Variants in WWOX observed in about 807,000 individuals in gnomAD.
WWOX encodes the protein WW domain-containing oxidoreductase.
Under a neutral mutation model 46.2 loss-of-function variants are expected in WWOX, and 69 were observed. That is an observed-to-expected ratio of 1.49 (90% CI 1.23 to 1.82). The LOEUF is 1.82. Ranked by LOEUF, WWOX falls within the 40% of genes most tolerant of loss-of-function variation. The probability of loss-of-function intolerance (pLI) is 0.00; values close to 1 mark genes in which losing one functional copy is unlikely to be tolerated. For synonymous variants in WWOX, 359 were observed against 202.6 expected, an observed-to-expected ratio of 1.77 and a Z score of -6.56; for missense variants, 919 against 542.6, an observed-to-expected ratio of 1.69 and a Z score of -6.89.
At chr16:79,188,352 A>G (rs2051061124) in intron 8 of WWOX, among the ~76,000 whole-genome samples, 1 of 151,520 alleles carries the variant, frequency 6.6e-6, no homozygotes. Flanking sequence ...GGTGTGGCCA[A>G]GACCTATTTC....
intron 8 of WWOX, among the ~76,000 whole-genome samples, chr16:78,910,576 A>G (rs183087842): frequency 2.0e-5 from 3 of 151,952 alleles, no homozygotes; most frequent in Admixed American, 1.3e-4. Flanking sequence ...GACATACCCA[A>G]GACTGAGTAA....
At chr16:78,631,172 C>T (rs1007571593) in intron 8 of WWOX, among the ~76,000 whole-genome samples, 1 of 152,100 alleles carries the variant, frequency 6.6e-6, no homozygotes, top group Non-Finnish European at 1.5e-5. Flanking sequence ...TGGGGGGGTT[C>T]CTTGAACCAG....
At chr16:78,799,952 C>G (rs906462061) in intron 8 of WWOX, among the ~76,000 whole-genome samples, 2 of 152,146 alleles carry the variant, frequency 1.3e-5, no homozygotes, top group Non-Finnish European at 2.9e-5. Flanking sequence ...TAGTTAGGAA[C>G]TTCCCCCGCG....
At chr16:78,117,409 G>A (rs905426952) in intron 4 of WWOX, among the ~76,000 whole-genome samples, 2 of 152,044 alleles carry the variant, frequency 1.3e-5, no homozygotes, top group African/African-American at 2.4e-5. Context: ...GGAAGCATAC[G>A]TCTAGGTGAG....
intron 8 of WWOX, among the ~76,000 whole-genome samples, chr16:78,737,671 G>A (rs893396895): frequency 1.3e-5 from 2 of 152,054 alleles, no homozygotes; most frequent in South Asian, 4.2e-4. Context: ...CAGTCTACAG[G>A]GTTATATTAA....
chr16:78,834,921 T>A (rs1454163660), intron 8 of WWOX, among the ~76,000 whole-genome samples: 2 of 152,188 alleles, frequency 1.3e-5, no homozygotes, highest in Non-Finnish European at 2.9e-5. Context: ...GTCTGAGCAA[T>A]CATATTAGCA....
At position 78,356,135 on chromosome 16, in the gene WWOX, C is replaced by T. The variant is rs567069372; in HGVS notation, c.517-30725C>T. 7.8e-3 allele frequency among the ~76,000 whole-genome samples: 1,059 copies of T among 135,126 alleles called. 13 individuals carry two copies. Among genetic ancestry groups the T allele is most frequent in the African/African-American group, 0.028 (1,031 of 36,434 alleles). 88.6% of individuals were successfully genotyped at this position (135,126 alleles called of 152,430 possible). A position where few individuals can be genotyped will look rare whatever the true frequency, so the allele number is the denominator to read the frequency against. On this transcript the variant is annotated intron_variant, in intron 5 of 8. Transcript: ENST00000566780. ...CCGGGAGGTGGAGGTTGCAGTGAGC[C>T]AAGGTCATGCCACTGCACTCCAGCT...
chr16:78,341,869 C>T lies in WWOX; in HGVS notation c.517-44991C>T, dbSNP rs1015252761. ...GTGGTGCACACCTGTAATTCTAGCA[C>T]ATTGGGAGGCTGAGGTGAGAGGATT... On this transcript the variant is annotated intron_variant, in intron 5 of 8. Coordinates refer to ENST00000566780, the MANE Select transcript of WWOX (RefSeq NM_016373.4). Among the ~76,000 whole-genome samples, 17 of 119,800 alleles carry T rather than the reference C, an allele frequency of 1.4e-4. 4 individuals carry two copies. The highest frequency in any genetic ancestry group is 1.3e-3 in the Admixed American group (16 of 12,302). 78.6% of individuals were successfully genotyped at this position (119,800 alleles called of 152,430 possible).
intron 8 of WWOX, among the ~76,000 whole-genome samples, chr16:79,013,965 C>T (rs894179684): frequency 4.6e-5 from 7 of 152,140 alleles, no homozygotes; most frequent in East Asian, 1.9e-4. Context: ...GATGCTCCGC[C>T]GCCTGTAAGG....
At chr16:78,631,465 T>G (rs1187278469) in intron 8 of WWOX, among the ~76,000 whole-genome samples, 2 of 152,220 alleles carry the variant, frequency 1.3e-5, no homozygotes, top group South Asian at 4.2e-4. Context: ...CATATAAAGC[T>G]AAATCAGTTT....
intron 5 of WWOX, chr16:78,269,020 T>G (rs2079423200): frequency 6.6e-6 from 1 of 152,194 alleles, no homozygotes; most frequent in African/African-American, 2.4e-5. Flanking sequence ...TTTTCTGAAA[T>G]AAGTGGACAC....
intron 7 of WWOX, among the ~76,000 whole-genome samples, chr16:78,428,612 A>G (rs973921067): frequency 6.6e-6 from 1 of 152,224 alleles, no homozygotes; most frequent in Non-Finnish European, 1.5e-5. Flanking sequence ...TCAAGAAGAA[A>G]TGACTTTCTC....
intron 5 of WWOX, among the ~76,000 whole-genome samples, chr16:78,235,287 T>C (rs993990966): frequency 6.6e-6 from 1 of 152,174 alleles, no homozygotes; most frequent in Non-Finnish European, 1.5e-5. Flanking sequence ...TTGTTCTGCA[T>C]GTTCTTCTTT....
rs183805436 is a variant in WWOX at position 78,396,737 on chromosome 16, A to G, written c.605+9789A>G. Reference sequence around the variant, plus strand: ...TCAGATAGTAAATATTTTTGCTCTCATCAGCCAGACAGTCTCTGCGGCAAC... The same window carrying G: ...TCAGATAGTAAATATTTTTGCTCTCGTCAGCCAGACAGTCTCTGCGGCAAC... On this transcript the variant is annotated intron_variant, in intron 6 of 8. Transcript: ENST00000566780. 3.3e-5 allele frequency among the ~76,000 whole-genome samples: 5 copies of G among 152,242 alleles called. 1 individual carries two copies. Among genetic ancestry groups the G allele is most frequent in the Non-Finnish European group, 2.9e-5 (2 of 68,036 alleles).
At chr16:78,903,610 G>C (rs1354996198) in intron 8 of WWOX, among the ~76,000 whole-genome samples, 1 of 152,174 alleles carries the variant, frequency 6.6e-6, no homozygotes, top group Non-Finnish European at 1.5e-5. Flanking sequence ...TTTCCTTTCA[G>C]TTTGGTTCTA....
At chr16:78,733,830 C>T (rs768157669) in intron 8 of WWOX, among the ~76,000 whole-genome samples, 1 of 151,930 alleles carries the variant, frequency 6.6e-6, no homozygotes, top group Non-Finnish European at 1.5e-5. Flanking sequence ...CTTTGGGAGT[C>T]CAAGGCAAGA....
intron 8 of WWOX, among the ~76,000 whole-genome samples, chr16:78,624,858 C>T (rs564220473): frequency 6.6e-6 from 1 of 152,188 alleles, no homozygotes; most frequent in Admixed American, 6.5e-5. Context: ...ATCGTATGAA[C>T]ATGATTTTGA....
At chr16:78,990,687 C>G (rs1983096) in intron 8 of WWOX, among the ~76,000 whole-genome samples, 150,752 of 152,260 alleles carry the variant, frequency 0.99, 74,650 homozygotes, top group East Asian at 1. Flanking sequence ...GGGAGAAGCA[C>G]ATAGAGGAAA....
intron 8 of WWOX, among the ~76,000 whole-genome samples, chr16:78,706,570 C>T (rs1468814059): frequency 6.6e-6 from 1 of 152,178 alleles, no homozygotes; most frequent in Non-Finnish European, 1.5e-5. Context: ...CAAGAGAGCT[C>T]AGCACACTTG....
Sources: allele counts gnomAD v4.1 joint callset (sites outside exome capture counted in the v4.1 genomes callset), GRCh38; gene constraint gnomAD v4.1.1; transcripts MANE v1.5; gene names NCBI Gene and HGNC (gene_info 2026-07-23, HGNC 2026-07-21).